Variants in SLC7A2 observed in about 807,000 individuals in gnomAD.
SLC7A2 encodes the protein solute carrier family 7 member 2.
In SLC7A2, 48 loss-of-function variants were observed where a neutral mutation model predicts 58.9. That is an observed-to-expected ratio of 0.82 (90% confidence interval 0.65 to 1.04). The LOEUF (loss-of-function observed/expected upper bound fraction) is 1.04. Among genes scored for constraint, SLC7A2 ranks in the 50% least tolerant of loss-of-function variants. SLC7A2 has a pLI of 0.00. For missense variants in SLC7A2, 1,029 were observed against 818.8 expected, an observed-to-expected ratio of 1.26 and a Z score of -3.13; for synonymous variants, 363 against 314.5, an observed-to-expected ratio of 1.15 and a Z score of -1.63.
At chr8:17,534,492 T>C (rs1028609421) in intron 2 of SLC7A2, among the ~76,000 whole-genome samples, 1 of 152,066 alleles carries the variant, frequency 6.6e-6, no homozygotes, top group African/African-American at 2.4e-5. Flanking sequence ...GACTCAGAGA[T>C]CGAATCTTCA....
chr8:17,534,383 G>A (rs561487369), intron 2 of SLC7A2, among the ~76,000 whole-genome samples: 2 of 152,296 alleles, frequency 1.3e-5, no homozygotes, highest in East Asian at 1.9e-4. Flanking sequence ...AGGATGAGCA[G>A]TTCGGACCCC....
At chr8:17,542,650 C>G (rs1386711299) in intron 2 of SLC7A2, among the ~76,000 whole-genome samples, 1 of 135,038 alleles carries the variant, frequency 7.4e-6, no homozygotes, top group Non-Finnish European at 1.6e-5. Flanking sequence ...GACCCTGTCT[C>G]AAAAAAAAAA....
intron 2 of SLC7A2, among the ~76,000 whole-genome samples, chr8:17,506,358 T>G (rs1458107444): frequency 6.6e-6 from 1 of 152,218 alleles, no homozygotes; most frequent in African/African-American, 2.4e-5. Flanking sequence ...CTAGGTGTCC[T>G]GGAAATTCAT....
rs1585279749 is a variant in SLC7A2 at position 17,565,435 on chromosome 8, T to A, written c.*289T>A. The A allele has an allele frequency of 1.4e-5, 4 of 278,778 alleles. No homozygotes were observed. In the East Asian group the frequency reaches 2.6e-4, roughly 18 times the overall value. 17.3% of individuals were successfully genotyped at this position (278,778 alleles called of 1,614,324 possible). On this transcript the variant is annotated 3_prime_UTR_variant, in exon 13 of 13. Transcript: ENST00000494857. ...CTATGTATATGCTTGGGAACATGAGTGTTACAAGTTAGCTGGTGTTTTACT... is the reference window on the plus strand; with the variant it reads ...CTATGTATATGCTTGGGAACATGAGAGTTACAAGTTAGCTGGTGTTTTACT...
At chr8:17,524,235 C>T (rs976966069) in intron 2 of SLC7A2, among the ~76,000 whole-genome samples, 2 of 152,126 alleles carry the variant, frequency 1.3e-5, no homozygotes, top group African/African-American at 4.8e-5. Context: ...ACCATTTGAT[C>T]CAGCAGTCCC....
At chr8:17,504,533 CAATT>C (rs1800289349) in intron 2 of SLC7A2, among the ~76,000 whole-genome samples, 2 of 152,150 alleles carry the variant, frequency 1.3e-5, no homozygotes, top group Non-Finnish European at 2.9e-5. Context: ...ACCAAAGTAA[CAATT>C]AATTCTATCC....
intron 2 of SLC7A2, among the ~76,000 whole-genome samples, chr8:17,531,045 A>G (rs1289090567): frequency 1.3e-5 from 2 of 152,236 alleles, no homozygotes; most frequent in Non-Finnish European, 2.9e-5. Context: ...GTGGTTTCAA[A>G]TAATTGCTTC....
At chr8:17,538,248 A>G (rs1185346366) in intron 2 of SLC7A2, among the ~76,000 whole-genome samples, 5 of 152,178 alleles carry the variant, frequency 3.3e-5, no homozygotes, top group African/African-American at 1.2e-4. Context: ...TAGTGGCCTC[A>G]GTTGTGTTTT....
rs373289276 is a variant in SLC7A2, at chr8:17,507,290, A to G, written c.-23+4988A>G. ...GGGATCAGTACAATTACAACTTAAC[A>G]TTTTTAGATTTTAATGGTTAACTAT... On this transcript the variant is annotated intron_variant, in intron 2 of 12. Transcript: ENST00000494857. Among the ~76,000 whole-genome samples, 20 of 152,204 alleles carry G rather than the reference A, an allele frequency of 1.3e-4. No individual in the cohort carries two copies. In the East Asian group the frequency reaches 3.7e-3, roughly 28 times the overall value.
At position 17,550,448 on chromosome 8, in the gene SLC7A2, C is replaced by T; in HGVS notation, c.832+14C>T. On this transcript the variant is annotated intron_variant, in intron 6 of 12. Transcript: ENST00000494857. ...TTGCAACAACTGGTAAGAGCAGTGT[C>T]TTGGCTCAGTGTAGAAGGAGTGTTC... The T allele has an allele frequency of 1.2e-6, 2 of 1,611,008 alleles. No individual in the cohort carries two copies. Among genetic ancestry groups the T allele is most frequent in the Middle Eastern group, 3.4e-4 (2 of 5,966 alleles).
At chr8:17,524,785 G>A (rs541564937) in intron 2 of SLC7A2, among the ~76,000 whole-genome samples, 3 of 151,998 alleles carry the variant, frequency 2.0e-5, no homozygotes, top group South Asian at 2.1e-4. Flanking sequence ...TGTGACTTCC[G>A]CATCTAATCC....
At position 17,565,307 on chromosome 8, in the gene SLC7A2, T is replaced by TA; in HGVS notation, c.*161_*162insA. Reference sequence around the variant, plus strand: ...ATCTGGACAGCATCTCCTCAGATGGTGAATTATGTGCACGGGGAAACCTCC... The same window carrying TA: ...ATCTGGACAGCATCTCCTCAGATGGTAGAATTATGTGCACGGGGAAACCTCC... On this transcript the variant is annotated 3_prime_UTR_variant, in exon 13 of 13. Coordinates refer to ENST00000494857, the MANE Select transcript of SLC7A2 (RefSeq NM_001370338.1). 3.3e-6 allele frequency: 2 copies of TA among 607,450 alleles called. No homozygotes were observed. The highest frequency in any genetic ancestry group is 6.6e-5 in the Admixed American group (2 of 30,222). 37.6% of individuals were successfully genotyped at this position (607,450 alleles called of 1,614,324 possible). A position where few individuals can be genotyped will look rare whatever the true frequency, so the allele number is the denominator to read the frequency against.
At chr8:17,514,832 G>C (rs941636974) in intron 2 of SLC7A2, among the ~76,000 whole-genome samples, 1 of 152,202 alleles carries the variant, frequency 6.6e-6, no homozygotes, top group Non-Finnish European at 1.5e-5. Flanking sequence ...TGGAGACCCT[G>C]TGATAAGTTT....
chr8:17,559,587 G>T (rs1042459149), intron 9 of SLC7A2, among the ~76,000 whole-genome samples: 1 of 152,022 alleles, frequency 6.6e-6, no homozygotes, highest in African/African-American at 2.4e-5. Context: ...ATAACAAAAC[G>T]AAAGAAGAAA....
At chr8:17,499,782 T>G (rs1800082921) in intron 1 of SLC7A2, among the ~76,000 whole-genome samples, 1 of 152,238 alleles carries the variant, frequency 6.6e-6, no homozygotes, top group Non-Finnish European at 1.5e-5. Context: ...AGCTGTTAAT[T>G]AATTTCTAAA....
intron 8 of SLC7A2, among the ~76,000 whole-genome samples, chr8:17,556,680 C>T (rs947484706): frequency 6.6e-6 from 1 of 151,868 alleles, no homozygotes; most frequent in Non-Finnish European, 1.5e-5. Context: ...ACGATCTTGG[C>T]TCGTTGCAAC....
chr8:17,539,843 A>G (rs1178011800), intron 2 of SLC7A2, among the ~76,000 whole-genome samples: 1 of 152,170 alleles, frequency 6.6e-6, no homozygotes, highest in Non-Finnish European at 1.5e-5. Context: ...CTGCATTCGT[A>G]TTTGTTGTAT....
In SLC7A2 at chr8:17,548,680, C is replaced by G. The variant is rs747561709; in HGVS notation, c.535C>G (p.Leu179Val). ...ATTGAAATGCCCTTTTTCCATAGGT[C>G]TTTTGTCTTTTGGAGTAAAAGAGTC... Reference protein sequence around the residue: ...AVCLILLLAGLLSFGVKESAW... With the variant: ...AVCLILLLAGVLSFGVKESAW... Residue 179 changes from leucine (L) to valine (V), a missense_variant and splice_region_variant, in exon 5 of 13, where the codon CTT becomes GTT. By Grantham distance (32) the Leu-to-Val change is conservative. Coordinates refer to ENST00000494857, the MANE Select transcript of SLC7A2 (RefSeq NM_001370338.1). 2.1e-5 allele frequency: 34 copies of G among 1,594,316 alleles called. 1 individual carries two copies. Among genetic ancestry groups the G allele is most frequent in the Middle Eastern group, 1.7e-4 (1 of 5,968 alleles).
At chr8:17,515,350 C>T (rs974542368) in intron 2 of SLC7A2, among the ~76,000 whole-genome samples, 3 of 150,200 alleles carry the variant, frequency 2.0e-5, no homozygotes, top group Non-Finnish European at 4.4e-5. Context: ...GACTGGAGTG[C>T]AGTGTCGCAA....
Sources: gnomAD v4.1 joint callset for allele counts (sites outside exome capture counted in the v4.1 genomes callset) on GRCh38, gnomAD v4.1.1 for gene constraint, MANE v1.5 for transcripts, NCBI Gene and HGNC (gene_info 2026-07-23, HGNC 2026-07-21) for gene names.